The following STAB2 variants were observed in gnomAD, a reference collection of about 807,000 sequenced individuals.
STAB2 encodes the protein stabilin-2.
Under a neutral mutation model 338.1 loss-of-function variants are expected in STAB2, and 288 were observed. The ratio of observed to expected loss-of-function variants is 0.85; its 90% CI spans 0.77 to 0.94. The LOEUF is 0.94. STAB2 is among the 40% of genes least tolerant of loss of function. The probability of loss-of-function intolerance (pLI) is 0.00; values close to 1 mark genes in which losing one functional copy is unlikely to be tolerated. For missense variants in STAB2, 3,141 were observed against 3,210.1 expected, an observed-to-expected ratio of 0.98 and a Z score of 0.52; for synonymous variants, 1,202 against 1,193.3, an observed-to-expected ratio of 1.01 and a Z score of -0.15.
intron 6 of STAB2, among the ~76,000 whole-genome samples, chr12:103,634,499 C>T (rs1224709446): frequency 2.6e-5 from 4 of 152,262 alleles, no homozygotes; most frequent in African/African-American, 9.6e-5. Flanking sequence ...GTCCAACACA[C>T]TCACATATCT....
intron 65 of STAB2, 113 bp downstream of exon 65, chr12:103,759,386 C>A (rs1884377718): frequency 7.0e-7 from 1 of 1,430,356 alleles, no homozygotes; most frequent in Admixed American, 2.4e-5. Flanking sequence ...AACTCTAAAC[C>A]TGCAGATAGG....
rs1876078321 is a variant in STAB2 at position 103,673,928 on chromosome 12, C to A, written c.2393C>A (p.Thr798Lys). 6.2e-7 allele frequency: 1 copy of A among 1,613,076 alleles called. No homozygotes were observed. The highest frequency in any genetic ancestry group is 8.5e-7 in the Non-Finnish European group (1 of 1,179,220). ...CNKKCLCVHGTCNNRIDSDGA... is the reference protein window; with the variant it reads ...CNKKCLCVHGKCNNRIDSDGA... ...TCAGAATGCCTGTGCGTTCACGGAA[C>A]ATGCAATAACAGGATAGACAGCGAT... Residue 798 changes from threonine (T) to lysine (K), a missense_variant, in exon 23 of 69, where the codon ACA (threonine) becomes AAA (lysine). Thr to Lys is a moderately conservative substitution (Grantham distance 78). Coordinates refer to ENST00000388887, the MANE Select transcript of STAB2 (RefSeq NM_017564.10).
intron 66 of STAB2, among the ~76,000 whole-genome samples, chr12:103,761,927 A>G (rs78404238): frequency 0.031 from 4,684 of 152,230 alleles, 220 homozygotes; most frequent in African/African-American, 0.11. Flanking sequence ...GAGCTGCTGG[A>G]GAGTTCCACA....
At chr12:103,690,108 C>A in intron 29 of STAB2, 126 bp downstream of exon 29, 1 of 1,330,274 alleles carries the variant, frequency 7.5e-7, no homozygotes, top group South Asian at 1.5e-5. Context: ...TTCTAGGATT[C>A]TCCTTTCCTC....
intron 38 of STAB2, among the ~76,000 whole-genome samples, chr12:103,707,469 G>A (rs1879465937): frequency 6.6e-6 from 1 of 152,226 alleles, no homozygotes; most frequent in Admixed American, 6.5e-5. Context: ...GCAGAACTGA[G>A]AACTGAATGT....
intron 49 of STAB2, among the ~76,000 whole-genome samples, chr12:103,731,010 C>T (rs1881593178): frequency 6.6e-6 from 1 of 152,154 alleles, no homozygotes; most frequent in South Asian, 2.1e-4. Flanking sequence ...AGGGCAGTGA[C>T]CTGAGATCAT....
At chr12:103,749,841 CAAAAAAAAA>C (rs369556936) in intron 59 of STAB2, among the ~76,000 whole-genome samples, 3 of 51,152 alleles carry the variant, frequency 5.9e-5, no homozygotes, top group African/African-American at 7.1e-5. Context: ...CTCTGTCTCA[CAAAAAAAAA>C]AAAAAAAAAA....
At chr12:103,638,715 C>T (rs1957592790) in intron 8 of STAB2, among the ~76,000 whole-genome samples, 1 of 152,188 alleles carries the variant, frequency 6.6e-6, no homozygotes, top group African/African-American at 2.4e-5. Context: ...GACATCAGGA[C>T]CTTGACTGAT....
chr12:103,688,244 G>C (rs369566565), intron 28 of STAB2, 29 bp downstream of exon 28: 13 of 1,607,852 alleles, frequency 8.1e-6, no homozygotes, highest in South Asian at 2.2e-5. Context: ...ACTTAGGATT[G>C]GGAATGTATA....
Position 103,695,838 on chromosome 12 carries a change from G to A in STAB2, c.3576G>A (p.Leu1192=). Reference sequence around the variant, plus strand: ...ATTACATCAGGGAGAAGAAAGTCTTGTCTCTAGTAAGTGTCAAGAACTATA... The same window carrying A: ...ATTACATCAGGGAGAAGAAAGTCTTATCTCTAGTAAGTGTCAAGAACTATA... ...IENYIREKKV[L]SLEEDVLRYH... is the part of the protein sequence containing the mutation. The change falls in exon 33 of 69, where the codon TTG becomes TTA. Residue 1192 remains leucine (L), a synonymous_variant. Transcript: ENST00000388887. 6.2e-7 allele frequency: 1 copy of A among 1,614,022 alleles called. No homozygotes were observed. Among genetic ancestry groups the A allele is most frequent in the South Asian group, 1.1e-5 (1 of 91,064 alleles).
At chr12:103,599,973 C>T (rs1956930833) in intron 3 of STAB2, among the ~76,000 whole-genome samples, 1 of 152,176 alleles carries the variant, frequency 6.6e-6, no homozygotes, top group South Asian at 2.1e-4. Context: ...TAAGTTAGGC[C>T]TGATTGCAAT....
At chr12:103,711,814 T>C (rs1025490701) in intron 40 of STAB2, among the ~76,000 whole-genome samples, 1 of 152,168 alleles carries the variant, frequency 6.6e-6, no homozygotes. Flanking sequence ...GGCCTCAGTT[T>C]CCATAAACCT....
At chr12:103,655,161 C>T (rs931276771) in intron 13 of STAB2, 90 bp from the exon 14 acceptor site, 21 of 1,219,268 alleles carry the variant, frequency 1.7e-5, no homozygotes, top group Non-Finnish European at 2.0e-5. Flanking sequence ...GACACATAAA[C>T]TCTGTCATCA....
rs143036904 is a variant in STAB2, at chr12:103,688,688, G to A, written c.3045+473G>A. The stretch of plus-strand genomic sequence containing the variant: ...ATGCCAAATAGTCCATGCCTGGTCA[G>A]CACCCACCCCAGGACAGCTTCCTGT... On this transcript the variant is annotated intron_variant, in intron 28 of 68. Transcript: ENST00000388887. 1.6e-3 allele frequency among the ~76,000 whole-genome samples: 251 copies of A among 152,312 alleles called. 1 individual carries two copies. Among genetic ancestry groups the A allele is most frequent in the African/African-American group, 5.7e-3 (235 of 41,568 alleles).
intron 39 of STAB2, among the ~76,000 whole-genome samples, chr12:103,711,096 G>A (rs909771759): frequency 2.6e-5 from 4 of 152,168 alleles, no homozygotes; most frequent in South Asian, 2.1e-4. Flanking sequence ...GAATAAACTA[G>A]AAAGAATAGC....
chr12:103,752,520 G>T (rs1172504596), intron 60 of STAB2, among the ~76,000 whole-genome samples: 2 of 152,162 alleles, frequency 1.3e-5, no homozygotes, highest in Non-Finnish European at 2.9e-5. Flanking sequence ...GGTTAGGAAA[G>T]GTATCAGCTA....
intron 45 of STAB2, 121 bp from the exon 46 acceptor site, chr12:103,725,995 A>T: frequency 9.9e-7 from 1 of 1,011,056 alleles, no homozygotes; most frequent in Non-Finnish European, 1.5e-6. Context: ...TGAAGCTCCA[A>T]AAAGGCCCGG....
intron 55 of STAB2, among the ~76,000 whole-genome samples, chr12:103,741,532 C>T (rs979526389): frequency 9.2e-5 from 14 of 152,342 alleles, no homozygotes; most frequent in African/African-American, 2.9e-4. Context: ...CAGCTCACTA[C>T]AGTCTCAACC....
Position 103,631,443 on chromosome 12 carries a change from A to AG in STAB2, c.488-155_488-154insG, listed in dbSNP as rs1957460368. On this transcript the variant is annotated intron_variant, in intron 5 of 68. Coordinates refer to ENST00000388887, the MANE Select transcript of STAB2 (RefSeq NM_017564.10). Reference sequence around the variant, plus strand: ...CATTCCTATCCATATGTTAAACTTAAAAAAAAAAAAACCTGGTGCTGATAA... The same window carrying AG: ...CATTCCTATCCATATGTTAAACTTAAGAAAAAAAAAAACCTGGTGCTGATAA... Among the ~76,000 whole-genome samples the AG allele has an allele frequency of 2.0e-5, 3 of 151,530 alleles. No homozygotes were observed. The South Asian group carries it at 6.3e-4, about 32-fold the overall frequency.
Sources: gnomAD v4.1 joint callset for allele counts (sites outside exome capture counted in the v4.1 genomes callset) on GRCh38, gnomAD v4.1.1 for gene constraint, MANE v1.5 for transcripts, NCBI Gene and HGNC (gene_info 2026-07-23, HGNC 2026-07-21) for gene names.